Variants in ST3GAL3 observed in about 807,000 individuals in gnomAD.
ST3GAL3 encodes ST3 beta-galactoside alpha-2,3-sialyltransferase 3.
A neutral mutation model predicts 50.1 loss-of-function variants in ST3GAL3; 21 were observed. The observed-to-expected ratio is 0.42, with a 90% CI of 0.30 to 0.60. ST3GAL3 has a LOEUF of 0.60. Ranked by LOEUF, ST3GAL3 falls within the 20% of genes least tolerant of loss-of-function variation. ST3GAL3 has a pLI of 0.19. For synonymous variants in ST3GAL3, 183 were observed against 190.0 expected, an observed-to-expected ratio of 0.96 and a Z score of 0.30; for missense variants, 353 against 489.4, an observed-to-expected ratio of 0.72 and a Z score of 2.63.
At position 43,785,214 on chromosome 1, in the gene ST3GAL3, T is replaced by A. The variant is rs541227888; in HGVS notation, c.119-6888T>A. Among the ~76,000 whole-genome samples, 467 of 152,344 alleles carry A rather than the reference T, an allele frequency of 3.1e-3. 3 individuals are homozygous for A. The highest frequency in any genetic ancestry group is 0.011 in the African/African-American group (441 of 41,564). ...TGAGGTATCAGTTCTGTTAACAGACTGCTAAACCTCCCAAGTTAAGGGCTC... is the reference window on the plus strand; with the variant it reads ...TGAGGTATCAGTTCTGTTAACAGACAGCTAAACCTCCCAAGTTAAGGGCTC... On this transcript the variant is annotated intron_variant, in intron 2 of 11. Coordinates refer to ENST00000347631, the MANE Select transcript of ST3GAL3 (RefSeq NM_006279.5).
chr1:43,797,441 A>G (rs909757898), intron 3 of ST3GAL3, among the ~76,000 whole-genome samples: 1 of 152,118 alleles, frequency 6.6e-6, no homozygotes, highest in Non-Finnish European at 1.5e-5. Flanking sequence ...AAACGTCCCA[A>G]ATTTGGTGAC....
intron 11 of ST3GAL3, among the ~76,000 whole-genome samples, chr1:43,927,128 G>A (rs950568704): frequency 3.9e-5 from 6 of 152,158 alleles, no homozygotes; most frequent in East Asian, 1.9e-4. Context: ...TCGGGAGTTC[G>A]AGACTAGCCT....
At chr1:43,715,844 C>T (rs1022907339) in intron 1 of ST3GAL3, among the ~76,000 whole-genome samples, 2 of 152,158 alleles carry the variant, frequency 1.3e-5, no homozygotes, top group Admixed American at 6.6e-5. Context: ...GAATCGTGGT[C>T]ACCTCATCAT....
chr1:43,744,687 T>TAAATAAATAAAA (rs1558109543), intron 2 of ST3GAL3, among the ~76,000 whole-genome samples: 4 of 135,432 alleles, frequency 3.0e-5, no homozygotes, highest in South Asian at 2.3e-4. Flanking sequence ...AATAAATAAA[T>TAAATAAATAAAA]AAAATAAAAT....
At chr1:43,859,564 A>C (rs552253677) in intron 5 of ST3GAL3, among the ~76,000 whole-genome samples, 1 of 152,290 alleles carries the variant, frequency 6.6e-6, no homozygotes, top group East Asian at 1.9e-4. Context: ...ATCTCAAAAA[A>C]AAAAGAAAAA....
At chr1:43,917,510 A>AAT (rs1485511009) in intron 9 of ST3GAL3, among the ~76,000 whole-genome samples, 1 of 70,058 alleles carries the variant, frequency 1.4e-5, no homozygotes, top group African/African-American at 5.4e-5. Context: ...TATATTATAT[A>AAT]ATATAATATA....
Position 43,718,185 on chromosome 1 carries a change from C to CTTTTTTT in ST3GAL3, c.-31+10508_-31+10514dup, listed in dbSNP as rs57506461. Among the ~76,000 whole-genome samples the CTTTTTTT allele has an allele frequency of 1.4e-4, 12 of 83,364 alleles. 1 individual carries two copies. Among genetic ancestry groups the CTTTTTTT allele is most frequent in the South Asian group, 4.8e-4 (1 of 2,062 alleles). 54.7% of individuals were successfully genotyped at this position (83,364 alleles called of 152,430 possible). ...ACCACGCCCGGCTCTATCATTAAAT[C>CTTTTTTT]TTTTTTTTTTTTTTTTTTTTTTGAG... On this transcript the variant is annotated intron_variant, in intron 1 of 11. Transcript: ENST00000347631.
intron 1 of ST3GAL3, among the ~76,000 whole-genome samples, chr1:43,721,801 A>G (rs1458568841): frequency 1.4e-5 from 2 of 147,976 alleles, no homozygotes; most frequent in Non-Finnish European, 3.0e-5. Flanking sequence ...GGGTTTCACC[A>G]TGTTGGTCAG....
At chr1:43,770,155 C>G (rs1263989906) in intron 2 of ST3GAL3, among the ~76,000 whole-genome samples, 1 of 149,668 alleles carries the variant, frequency 6.7e-6, no homozygotes, top group Non-Finnish European at 1.5e-5. Context: ...GCAGAATATT[C>G]TCTAGTAAAA....
At chr1:43,792,282 C>T (rs2058175336) in intron 3 of ST3GAL3, 133 bp downstream of exon 3, 3 of 1,157,026 alleles carry the variant, frequency 2.6e-6, no homozygotes, top group Non-Finnish European at 3.9e-6. Flanking sequence ...CTCAAGAAGC[C>T]TTTCTAGAGA....
At chr1:43,861,210 C>G (rs994898687) in intron 5 of ST3GAL3, among the ~76,000 whole-genome samples, 19 of 152,314 alleles carry the variant, frequency 1.2e-4, no homozygotes, top group African/African-American at 3.6e-4. Context: ...TGGACAAGCC[C>G]TTAGTCATGT....
chr1:43,799,706 T>C (rs1255808105), intron 3 of ST3GAL3: 1 of 152,176 alleles, frequency 6.6e-6, no homozygotes, highest in Non-Finnish European at 1.5e-5. Context: ...ATTCAGACCA[T>C]TTCAGTGAGT....
At chr1:43,713,692 G>A (rs755666709) in intron 1 of ST3GAL3, among the ~76,000 whole-genome samples, 3 of 151,670 alleles carry the variant, frequency 2.0e-5, no homozygotes, top group South Asian at 2.1e-4. Context: ...GCACCACCAC[G>A]CCCAGCTAAT....
chr1:43,896,396 A>G (rs544827190), intron 6 of ST3GAL3, among the ~76,000 whole-genome samples: 3 of 152,360 alleles, frequency 2.0e-5, no homozygotes, highest in East Asian at 1.9e-4. Context: ...ACTAGGAATA[A>G]TAAGCATTGA....
At chr1:43,869,893 T>C (rs1351821533) in intron 5 of ST3GAL3, among the ~76,000 whole-genome samples, 1 of 152,216 alleles carries the variant, frequency 6.6e-6, no homozygotes, top group Non-Finnish European at 1.5e-5. Context: ...CTACAGGCAG[T>C]TAGCAGGGCT....
intron 4 of ST3GAL3, among the ~76,000 whole-genome samples, chr1:43,817,416 C>CCTT (rs1260580824): frequency 4.1e-5 from 6 of 146,542 alleles, no homozygotes; most frequent in Non-Finnish European, 6.0e-5. Context: ...TTCTTCTCCT[C>CCTT]CTTCTCCTTC....
intron 9 of ST3GAL3, chr1:43,913,027 T>G (rs985222433): frequency 6.6e-6 from 1 of 152,274 alleles, no homozygotes; most frequent in Non-Finnish European, 1.5e-5. Flanking sequence ...ATGTGGACAC[T>G]TGCAGGCAGA....
chr1:43,916,066 C>T (rs377671256), intron 9 of ST3GAL3, among the ~76,000 whole-genome samples: 2 of 152,186 alleles, frequency 1.3e-5, no homozygotes, highest in African/African-American at 4.8e-5. Flanking sequence ...TTGCAGTGAG[C>T]TGAGATCATG....
intron 1 of ST3GAL3, among the ~76,000 whole-genome samples, chr1:43,723,916 G>T (rs1261409082): frequency 6.6e-6 from 1 of 152,034 alleles, no homozygotes; most frequent in Non-Finnish European, 1.5e-5. Flanking sequence ...CCAGCCTCAG[G>T]TATTTATTTA....
Sources: allele counts gnomAD v4.1 joint callset (sites outside exome capture counted in the v4.1 genomes callset), GRCh38; gene constraint gnomAD v4.1.1; transcripts MANE v1.5; gene names NCBI Gene and HGNC (gene_info 2026-07-23, HGNC 2026-07-21).